The following UBE3C variants were observed in gnomAD, a reference collection of about 807,000 sequenced individuals.
UBE3C encodes the protein ubiquitin-protein ligase E3C.
Under a neutral mutation model 129.4 loss-of-function variants are expected in UBE3C, and 42 were observed. That is an observed-to-expected ratio of 0.32 (90% confidence interval 0.25 to 0.42). UBE3C has a LOEUF of 0.42. Ranked by LOEUF, UBE3C falls within the 10% of genes least tolerant of loss-of-function variation. The pLI is 1.00. For synonymous variants in UBE3C, 510 were observed against 492.4 expected, an observed-to-expected ratio of 1.04 and a Z score of -0.47; for missense variants, 1,049 against 1,319.1, an observed-to-expected ratio of 0.80 and a Z score of 3.17.
At chr7:157,145,804 G>T (rs567139739) in intron 1 of UBE3C, among the ~76,000 whole-genome samples, 2 of 152,084 alleles carry the variant, frequency 1.3e-5, no homozygotes, top group South Asian at 4.2e-4. Context: ...ATAATTGATG[G>T]GAAACTATAA....
chr7:157,179,120 C>T (rs1808602085), intron 6 of UBE3C, among the ~76,000 whole-genome samples: 1 of 151,842 alleles, frequency 6.6e-6, no homozygotes, highest in African/African-American at 2.4e-5. Context: ...ATGCTTTCAT[C>T]AGTTGTCCCG....
chr7:157,206,413 C>T (rs1433490176), intron 11 of UBE3C, among the ~76,000 whole-genome samples: 1 of 152,010 alleles, frequency 6.6e-6, no homozygotes, highest in Non-Finnish European at 1.5e-5. Flanking sequence ...CAGGCACGTG[C>T]CACCACACCC....
At chr7:157,237,906 G>A (rs1227183389) in intron 18 of UBE3C, among the ~76,000 whole-genome samples, 1 of 150,938 alleles carries the variant, frequency 6.6e-6, no homozygotes, top group African/African-American at 2.4e-5. Flanking sequence ...AAAAAAAGTA[G>A]CCAGGCATGG....
intron 17 of UBE3C, among the ~76,000 whole-genome samples, chr7:157,228,225 T>C (rs929254352): frequency 6.6e-6 from 1 of 152,168 alleles, no homozygotes; most frequent in Non-Finnish European, 1.5e-5. Flanking sequence ...AATGCAGAGA[T>C]TGATGGCTGT....
At chr7:157,154,338 C>CAGAG (rs1418210406) in intron 1 of UBE3C, among the ~76,000 whole-genome samples, 1 of 151,950 alleles carries the variant, frequency 6.6e-6, no homozygotes, top group Non-Finnish European at 1.5e-5. Context: ...GATAAAAGGT[C>CAGAG]AGACCTTCTA....
chr7:157,213,049 C>T (rs569118506), intron 13 of UBE3C, among the ~76,000 whole-genome samples: 6 of 152,266 alleles, frequency 3.9e-5, no homozygotes, highest in Admixed American at 6.5e-5. Flanking sequence ...TGAGCCACCA[C>T]GCCCGGCAGT....
intron 17 of UBE3C, among the ~76,000 whole-genome samples, chr7:157,227,338 G>C (rs1055362787): frequency 1.3e-5 from 2 of 152,038 alleles, no homozygotes; most frequent in Admixed American, 6.6e-5. Flanking sequence ...CAAGTGGGGG[G>C]GCTGTAAGCT....
intron 10 of UBE3C, among the ~76,000 whole-genome samples, chr7:157,196,145 T>C (rs1459916799): frequency 6.6e-6 from 1 of 152,090 alleles, no homozygotes; most frequent in Non-Finnish European, 1.5e-5. Context: ...GTTTTTAAGA[T>C]AGAAGGCCGC....
chr7:157,261,147 A>G (rs939842428), intron 22 of UBE3C, among the ~76,000 whole-genome samples: 1 of 147,464 alleles, frequency 6.8e-6, no homozygotes, highest in African/African-American at 2.5e-5. Context: ...TACTAAATAC[A>G]AAAAAAAAAT....
intron 18 of UBE3C, among the ~76,000 whole-genome samples, chr7:157,245,992 C>CAAAAAAAAA (rs56270719): frequency 1.2e-5 from 1 of 85,612 alleles, no homozygotes; most frequent in African/African-American, 4.4e-5. Context: ...GACTCCGTCT[C>CAAAAAAAAA]AAAAAAAAAA....
At chr7:157,236,047 G>T (rs573173885) in intron 18 of UBE3C, among the ~76,000 whole-genome samples, 1 of 152,222 alleles carries the variant, frequency 6.6e-6, no homozygotes, top group African/African-American at 2.4e-5. Context: ...GTGATAAAGT[G>T]CAAAGAGGTC....
intron 19 of UBE3C, among the ~76,000 whole-genome samples, chr7:157,249,614 G>T (rs80195105): frequency 1.3e-5 from 2 of 152,240 alleles, no homozygotes; most frequent in Admixed American, 6.5e-5. Flanking sequence ...TGGCCGGCAC[G>T]ACAGAGCCTT....
chr7:157,144,000 C>T (rs1807531429), intron 1 of UBE3C, among the ~76,000 whole-genome samples: 1 of 152,114 alleles, frequency 6.6e-6, no homozygotes, highest in Non-Finnish European at 1.5e-5. Flanking sequence ...ACAGGCAATG[C>T]CAAGTGCTGC....
intron 18 of UBE3C, among the ~76,000 whole-genome samples, chr7:157,241,443 A>G (rs1796321942): frequency 6.6e-6 from 1 of 152,218 alleles, no homozygotes; most frequent in African/African-American, 2.4e-5. Flanking sequence ...CAGCAAGCAA[A>G]TGGGCCATTG....
chr7:157,183,428 C>T (rs10267463), intron 8 of UBE3C, among the ~76,000 whole-genome samples: 25,991 of 152,118 alleles, frequency 0.17, 2,474 homozygotes, highest in East Asian at 0.36. Flanking sequence ...TCCACACTCT[C>T]GGCACCTCCC....
At chr7:157,241,610 A>G (rs1330930867) in intron 18 of UBE3C, among the ~76,000 whole-genome samples, 3 of 152,222 alleles carry the variant, frequency 2.0e-5, no homozygotes, top group African/African-American at 7.2e-5. Context: ...TGCCAATGGG[A>G]AGATAAAATG....
intron 22 of UBE3C, among the ~76,000 whole-genome samples, chr7:157,261,763 A>G (rs1796920401): frequency 6.6e-6 from 1 of 152,242 alleles, no homozygotes; most frequent in Admixed American, 6.5e-5. Context: ...AAAGTTTAAT[A>G]TGTTTAATAA....
At chr7:157,250,065 G>T (rs1303899989) in intron 19 of UBE3C, among the ~76,000 whole-genome samples, 1 of 152,170 alleles carries the variant, frequency 6.6e-6, no homozygotes, top group Non-Finnish European at 1.5e-5. Flanking sequence ...CTCAGATAAG[G>T]GATACTGACC....
intron 2 of UBE3C, among the ~76,000 whole-genome samples, chr7:157,167,727 A>G (rs4716691): frequency 0.62 from 94,004 of 150,914 alleles, 31,634 homozygotes; most frequent in African/African-American, 0.91. Flanking sequence ...TAGAAGAGGT[A>G]TGGTTTCACC....
Sources: allele counts gnomAD v4.1 joint callset (sites outside exome capture counted in the v4.1 genomes callset), GRCh38; gene constraint gnomAD v4.1.1; transcripts MANE v1.5; gene names NCBI Gene and HGNC (gene_info 2026-07-23, HGNC 2026-07-21).